PDE7B: variants seen among roughly 807,000 people sequenced by gnomAD.
PDE7B encodes the protein phosphodiesterase 7B, also known as 3',5'-cyclic-AMP phosphodiesterase 7B.
PDE7B carries 29 observed loss-of-function variants against 56.2 expected under a neutral mutation model. The observed-to-expected ratio is 0.52, with a 90% CI of 0.38 to 0.70. The LOEUF (loss-of-function observed/expected upper bound fraction) is 0.70. Among genes scored for constraint, PDE7B ranks in the 30% least tolerant of loss-of-function variants. PDE7B has a pLI of 0.00. For missense variants in PDE7B, 490 were observed against 565.0 expected (o/e 0.87, Z 1.35); for synonymous variants, 197 against 196.9 (o/e 1.00, Z 0.00).
rs117937160 is a variant in PDE7B at position 136,190,689 on chromosome 6, C to T, written c.1127-925C>T. ...TGAAAAGCACATTAACGCGGCAAAA[C>T]GCGATTAGAAAGTAACAAATCTTAA... On this transcript the variant is annotated intron_variant, in intron 12 of 12. Transcript: ENST00000308191. Among the ~76,000 whole-genome samples the T allele has an allele frequency of 4.1e-3, 627 of 152,212 alleles. 10 individuals carry two copies. Among genetic ancestry groups the T allele is most frequent in the Middle Eastern group, 0.037 (11 of 294 alleles).
rs60829896 is a variant in PDE7B, at chr6:135,935,190, T to TTATATATATATATATATATATATATATA, written c.22-12247_22-12246insATATATATATATATATATATATATATAT. Among the ~76,000 whole-genome samples the TTATATATATATATATATATATATATATA allele has an allele frequency of 8.6e-4, 31 of 36,188 alleles. 1 individual carries two copies. Among genetic ancestry groups the TTATATATATATATATATATATATATATA allele is most frequent in the African/African-American group, 1.9e-3 (16 of 8,354 alleles). 23.7% of individuals were successfully genotyped at this position (36,188 alleles called of 152,430 possible). A position where few individuals can be genotyped will look rare whatever the true frequency, so the allele number is the denominator to read the frequency against. ...GAGAATTTTATATATATATATTTAT[T>TTATATATATATATATATATATATATATA]TATATATATATATATATATATATAT... On this transcript the variant is annotated intron_variant, in intron 1 of 12. Coordinates refer to ENST00000308191, the MANE Select transcript of PDE7B (RefSeq NM_018945.4).
At chr6:136,022,639 G>A (rs748257337) in intron 2 of PDE7B, among the ~76,000 whole-genome samples, 1 of 152,206 alleles carries the variant, frequency 6.6e-6, no homozygotes, top group Non-Finnish European at 1.5e-5. Flanking sequence ...TGAAGAGCCA[G>A]ATTGATTCCT....
rs554555196 is a variant in PDE7B, at chr6:136,103,058, G to A, written c.83-5673G>A. Among the ~76,000 whole-genome samples the A allele has an allele frequency of 1.2e-4, 18 of 152,256 alleles. No individual in the cohort carries two copies. The South Asian group carries it at 2.1e-3, about 18-fold the overall frequency. On this transcript the variant is annotated intron_variant, in intron 2 of 12. Coordinates refer to ENST00000308191, the MANE Select transcript of PDE7B (RefSeq NM_018945.4). ...CCTTTTGCGAAAAATGTGGTTTCTGGACGACTAACTCCTGGTTTGCCTCTT... is the reference window on the plus strand; with the variant it reads ...CCTTTTGCGAAAAATGTGGTTTCTGAACGACTAACTCCTGGTTTGCCTCTT...
chr6:136,053,629 A>G (rs1369444563), intron 2 of PDE7B, among the ~76,000 whole-genome samples: 4 of 152,192 alleles, frequency 2.6e-5, no homozygotes, highest in Non-Finnish European at 5.9e-5. Flanking sequence ...CTGAGGAATC[A>G]CCACACTGAC....
chr6:136,143,874 A>G (rs1004542971), intron 3 of PDE7B, among the ~76,000 whole-genome samples: 1 of 152,104 alleles, frequency 6.6e-6, no homozygotes. Flanking sequence ...GAAGTAATCC[A>G]TCATTTCAAT....
intron 2 of PDE7B, among the ~76,000 whole-genome samples, chr6:136,070,957 G>A (rs1562485712): frequency 6.6e-6 from 1 of 152,032 alleles, no homozygotes; most frequent in Non-Finnish European, 1.5e-5. Context: ...TACTTTTCAT[G>A]CAGCTCAACA....
rs1777804425 is a variant in PDE7B at position 136,114,792 on chromosome 6, C to A, written c.166+5978C>A. The A allele has an allele frequency of 2.6e-5, 4 of 152,198 alleles. No individual in the cohort carries two copies. The South Asian group carries it at 8.3e-4, about 32-fold the overall frequency. 9.4% of individuals were successfully genotyped at this position (152,198 alleles called of 1,614,324 possible). On this transcript the variant is annotated intron_variant, in intron 3 of 12. Transcript: ENST00000308191. ...CACACTTGTGAGTGCCAAGGTAACA[C>A]CCTACAATTTCAAAGTTCAATATTT...
intron 1 of PDE7B, among the ~76,000 whole-genome samples, chr6:135,941,155 G>A (rs918781866): frequency 6.6e-6 from 1 of 152,192 alleles, no homozygotes; most frequent in Admixed American, 6.6e-5. Flanking sequence ...CCACTCTTGG[G>A]ACGGACAAGA....
At chr6:135,990,515 G>C (rs991858879) in intron 2 of PDE7B, among the ~76,000 whole-genome samples, 1 of 152,180 alleles carries the variant, frequency 6.6e-6, no homozygotes, top group Non-Finnish European at 1.5e-5. Flanking sequence ...TTTCCCCTCT[G>C]CTCCCAACAG....
chr6:136,027,579 A>G (rs1009895965), intron 2 of PDE7B, among the ~76,000 whole-genome samples: 17 of 152,300 alleles, frequency 1.1e-4, no homozygotes, highest in Admixed American at 5.9e-4. Flanking sequence ...TTGTCAAGAC[A>G]TAAAAAAAGA....
chr6:135,945,713 AAAAG>A (rs1451413000), intron 1 of PDE7B, among the ~76,000 whole-genome samples: 6 of 152,162 alleles, frequency 3.9e-5, no homozygotes, highest in Non-Finnish European at 8.8e-5. Flanking sequence ...TGTGAACTGT[AAAAG>A]AAAGAGGAAA....
rs76856175 is a variant in PDE7B, at chr6:135,859,753, A to T, written c.21+7734A>T. 4.4e-3 allele frequency among the ~76,000 whole-genome samples: 667 copies of T among 152,174 alleles called. 4 individuals carry two copies. Among genetic ancestry groups the T allele is most frequent in the African/African-American group, 0.015 (627 of 41,542 alleles). On this transcript the variant is annotated intron_variant, in intron 1 of 12. Coordinates refer to ENST00000308191, the MANE Select transcript of PDE7B (RefSeq NM_018945.4). ...TATGTAGTAGTAATACAAAAAAAAA[A>T]TCAAAACATTGAGTTGGAGAATACA...
At chr6:135,877,118 T>A (rs1775511193) in intron 1 of PDE7B, among the ~76,000 whole-genome samples, 1 of 152,154 alleles carries the variant, frequency 6.6e-6, no homozygotes, top group African/African-American at 2.4e-5. Context: ...ATTCTTTCTC[T>A]ATAATTTTGA....
chr6:135,889,003 C>G (rs907100742), intron 1 of PDE7B, among the ~76,000 whole-genome samples: 1 of 152,132 alleles, frequency 6.6e-6, no homozygotes. Context: ...AGTGATTCAT[C>G]CCTAACTTCA....
intron 1 of PDE7B, among the ~76,000 whole-genome samples, chr6:135,897,288 G>GT (rs1775919261): frequency 4.6e-5 from 7 of 151,546 alleles, no homozygotes; most frequent in African/African-American, 1.7e-4. Flanking sequence ...GTGTGTGTGT[G>GT]GGTATGTGTG....
chr6:135,992,726 A>T (rs1237608920), intron 2 of PDE7B, among the ~76,000 whole-genome samples: 1 of 152,212 alleles, frequency 6.6e-6, no homozygotes, highest in Non-Finnish European at 1.5e-5. Flanking sequence ...ATGTCCATTT[A>T]TGTTTCATCT....
chr6:135,904,238 C>T (rs1171201199), intron 1 of PDE7B, among the ~76,000 whole-genome samples: 2 of 152,166 alleles, frequency 1.3e-5, no homozygotes, highest in Non-Finnish European at 2.9e-5. Flanking sequence ...TGTGGCAAGT[C>T]AGAATAAGTA....
intron 2 of PDE7B, among the ~76,000 whole-genome samples, chr6:136,005,622 C>T (rs1179848828): frequency 2.6e-5 from 4 of 152,194 alleles, no homozygotes; most frequent in African/African-American, 9.6e-5. Flanking sequence ...CTTCACTGGC[C>T]ATCAGAGAAA....
chr6:136,078,389 C>A (rs935976841), intron 2 of PDE7B, among the ~76,000 whole-genome samples: 2 of 152,188 alleles, frequency 1.3e-5, no homozygotes, highest in Admixed American at 1.3e-4. Flanking sequence ...AAGTGCCTAT[C>A]TGACAATTTT....
Sources: gnomAD v4.1 joint callset for allele counts (sites outside exome capture counted in the v4.1 genomes callset) on GRCh38, gnomAD v4.1.1 for gene constraint, MANE v1.5 for transcripts, NCBI Gene and HGNC (gene_info 2026-07-23, HGNC 2026-07-21) for gene names.